Variants in ASIC2 observed in about 807,000 individuals in gnomAD.
The protein encoded by ASIC2 is acid-sensing ion channel 2.
ASIC2 carries 25 observed loss-of-function variants against 57.3 expected under a neutral mutation model. The observed-to-expected ratio is 0.44, with a 90% CI of 0.32 to 0.61. The LOEUF is 0.61. ASIC2 is among the 20% of genes least tolerant of loss of function. ASIC2 has a pLI of 0.06. For synonymous variants in ASIC2, 319 were observed against 307.5 expected (o/e 1.04, Z -0.39); for missense variants, 641 against 738.1 (o/e 0.87, Z 1.52).
chr17:33,086,189 G>T (rs1276500811), intron 3 of ASIC2, among the ~76,000 whole-genome samples: 2 of 152,140 alleles, frequency 1.3e-5, no homozygotes, highest in Non-Finnish European at 1.5e-5. Context: ...AGGGCTAGGG[G>T]AGGAAAAAGC....
chr17:33,541,765 C>G (rs1915418640), intron 1 of ASIC2, among the ~76,000 whole-genome samples: 1 of 152,156 alleles, frequency 6.6e-6, no homozygotes. Context: ...AGCCACTTCT[C>G]AAGCACATCA....
chr17:33,656,378 A>G (rs1907075769), intron 1 of ASIC2, among the ~76,000 whole-genome samples: 1 of 152,216 alleles, frequency 6.6e-6, no homozygotes, highest in African/African-American at 2.4e-5. Context: ...ACATTAAAGC[A>G]TCAGCTTCTT....
At chr17:34,127,114 T>C (rs1911807186) in intron 1 of ASIC2, among the ~76,000 whole-genome samples, 1 of 152,198 alleles carries the variant, frequency 6.6e-6, no homozygotes, top group Non-Finnish European at 1.5e-5. Flanking sequence ...CAGGTAACAG[T>C]CACACAACTC....
intron 1 of ASIC2, among the ~76,000 whole-genome samples, chr17:33,877,680 G>T (rs1914587136): frequency 6.6e-6 from 1 of 152,240 alleles, no homozygotes; most frequent in Non-Finnish European, 1.5e-5. Context: ...CCACCTCTGG[G>T]GGCAGGGCAC....
rs534127694 is a variant in ASIC2 at position 33,174,819 on chromosome 17, C to T, written c.709-62752G>A. On this transcript the variant is annotated intron_variant, in intron 1 of 9. Coordinates refer to ENST00000225823, the MANE Select transcript of ASIC2 (RefSeq NM_183377.2). ...CTGTTGATCTACATAGGACATGTAACGTGAGCAAGAAATGAGCTTGTGTTG... is the reference window on the plus strand; with the variant it reads ...CTGTTGATCTACATAGGACATGTAATGTGAGCAAGAAATGAGCTTGTGTTG... Among the ~76,000 whole-genome samples the T allele has an allele frequency of 2.6e-5, 4 of 152,248 alleles. No homozygotes were observed. In the East Asian group the frequency reaches 7.7e-4, roughly 29 times the overall value.
chr17:33,505,721 T>A (rs1170079095), intron 1 of ASIC2, among the ~76,000 whole-genome samples: 1 of 152,208 alleles, frequency 6.6e-6, no homozygotes. Flanking sequence ...TCTCAGCACA[T>A]CCCGATCTCT....
chr17:34,011,565 G>A (rs907020225), intron 1 of ASIC2, among the ~76,000 whole-genome samples: 8 of 151,892 alleles, frequency 5.3e-5, no homozygotes, highest in Non-Finnish European at 1.0e-4. Context: ...CTCCTCCCTA[G>A]CCCATCTCTC....
At chr17:33,158,973 A>T (rs539433901) in intron 1 of ASIC2, among the ~76,000 whole-genome samples, 1 of 152,340 alleles carries the variant, frequency 6.6e-6, no homozygotes, top group African/African-American at 2.4e-5. Context: ...CATGCCAAGC[A>T]ATTGGGCGGT....
At chr17:33,513,805 C>T (rs1453150886) in intron 1 of ASIC2, among the ~76,000 whole-genome samples, 3 of 152,226 alleles carry the variant, frequency 2.0e-5, no homozygotes, top group Non-Finnish European at 2.9e-5. Flanking sequence ...GCGGCACCTT[C>T]CCAGAAGGCT....
chr17:33,511,660 A>AGCCAGAGAACTTG (rs1182189801), intron 1 of ASIC2, among the ~76,000 whole-genome samples: 1 of 152,182 alleles, frequency 6.6e-6, no homozygotes, highest in Non-Finnish European at 1.5e-5. Flanking sequence ...CTCCTGCCAT[A>AGCCAGAGAACTTG]GCCAGAGAAC....
At chr17:33,878,861 G>T (rs1393919440) in intron 1 of ASIC2, among the ~76,000 whole-genome samples, 1 of 152,172 alleles carries the variant, frequency 6.6e-6, no homozygotes, top group African/African-American at 2.4e-5. Context: ...CAGAGAGAAA[G>T]GTCGGGTTAC....
In ASIC2 at chr17:33,023,362, C is replaced by T. The variant is rs113928707; in HGVS notation, c.1349+499G>A. On this transcript the variant is annotated intron_variant, in intron 6 of 9. Coordinates refer to ENST00000225823, the MANE Select transcript of ASIC2 (RefSeq NM_183377.2). ...AAAATTAGCTGGGCATGGTGGCGGG[C>T]GCCTGTAGTTCCAGCTGCTCGTGAA... is the stretch of plus-strand genomic sequence containing the variant. Among the ~76,000 whole-genome samples, 18 of 151,920 alleles carry T rather than the reference C, an allele frequency of 1.2e-4. No homozygotes were observed. The South Asian group carries it at 2.1e-3, about 18-fold the overall frequency.
At chr17:34,007,764 G>A (rs73278445) in intron 1 of ASIC2, among the ~76,000 whole-genome samples, 4,050 of 152,234 alleles carry the variant, frequency 0.027, 152 homozygotes, top group African/African-American at 0.087. Context: ...ATCAAACCTC[G>A]TTTCTCCCAA....
At chr17:34,030,596 C>G (rs1167214153) in intron 1 of ASIC2, among the ~76,000 whole-genome samples, 1 of 152,226 alleles carries the variant, frequency 6.6e-6, no homozygotes, top group East Asian at 1.9e-4. Flanking sequence ...CAGGGAATTT[C>G]CTTTCCTACT....
At chr17:33,942,406 G>C (rs1916211728) in intron 1 of ASIC2, among the ~76,000 whole-genome samples, 1 of 152,192 alleles carries the variant, frequency 6.6e-6, no homozygotes, top group African/African-American at 2.4e-5. Context: ...CACAGATGAA[G>C]AAATTGAGAC....
chr17:33,414,522 G>C (rs183712236), intron 1 of ASIC2, among the ~76,000 whole-genome samples: 1 of 152,140 alleles, frequency 6.6e-6, no homozygotes, highest in East Asian at 1.9e-4. Flanking sequence ...GGCAGCCACC[G>C]ACTGGGCTTT....
intron 1 of ASIC2, among the ~76,000 whole-genome samples, chr17:34,008,323 T>G (rs1448914784): frequency 1.3e-5 from 2 of 152,160 alleles, no homozygotes; most frequent in Non-Finnish European, 2.9e-5. Context: ...TGAATCAGTC[T>G]CTTTTTTAAA....
At chr17:33,045,832 C>G (rs1395234160) in intron 3 of ASIC2, among the ~76,000 whole-genome samples, 1 of 152,180 alleles carries the variant, frequency 6.6e-6, no homozygotes, top group Non-Finnish European at 1.5e-5. Flanking sequence ...GTTGCATTTC[C>G]ATCTTTCTAA....
intron 1 of ASIC2, among the ~76,000 whole-genome samples, chr17:33,609,114 G>A (rs1305209989): frequency 2.0e-5 from 3 of 152,146 alleles, no homozygotes; most frequent in Admixed American, 6.5e-5. Flanking sequence ...CTCTTTGGAC[G>A]CTGTTGTGAC....
Sources: allele counts gnomAD v4.1 joint callset (sites outside exome capture counted in the v4.1 genomes callset), GRCh38; gene constraint gnomAD v4.1.1; transcripts MANE v1.5; gene names NCBI Gene and HGNC (gene_info 2026-07-23, HGNC 2026-07-21).